The following DYNC1I1 variants were observed in gnomAD, a reference collection of about 807,000 sequenced individuals.
DYNC1I1 encodes cytoplasmic dynein 1 intermediate chain 1.
Under a neutral mutation model 86.6 loss-of-function variants are expected in DYNC1I1, and 43 were observed. That is an observed-to-expected ratio of 0.50 (90% CI 0.39 to 0.64). The LOEUF (loss-of-function observed/expected upper bound fraction) is 0.64, where lower values mean the gene tolerates loss of function less well. DYNC1I1 is among the 30% of genes least tolerant of loss of function. The probability of loss-of-function intolerance (pLI) is 0.00; values close to 1 mark genes in which losing one functional copy is unlikely to be tolerated. For missense variants in DYNC1I1, 604 were observed against 788.8 expected, an observed-to-expected ratio of 0.77 and a Z score of 2.81; for synonymous variants, 262 against 283.7, an observed-to-expected ratio of 0.92 and a Z score of 0.77.
chr7:95,977,493 T>TTC lies in DYNC1I1; in HGVS notation c.491-15_491-14dup. 6.2e-7 allele frequency: 1 copy of TTC among 1,609,024 alleles called. No individual in the cohort carries two copies. Among genetic ancestry groups the TTC allele is most frequent in the Non-Finnish European group, 8.5e-7 (1 of 1,178,016 alleles). ...TTGGAGGAAAGAAAATATTGTATTT[T>TTC]TCTCTTTCTTTTTTCTAGAGGATGA... On this transcript the variant is annotated intron_variant, in intron 6 of 16. Coordinates refer to ENST00000447467, the MANE Select transcript of DYNC1I1 (RefSeq NM_001135556.2).
At chr7:95,881,400 A>T (rs959359851) in intron 6 of DYNC1I1, among the ~76,000 whole-genome samples, 1 of 152,204 alleles carries the variant, frequency 6.6e-6, no homozygotes, top group Non-Finnish European at 1.5e-5. Flanking sequence ...CCTGATCACT[A>T]TTACCATAAA....
intron 10 of DYNC1I1, among the ~76,000 whole-genome samples, chr7:95,997,583 T>TGTGTGTGTG (rs1554429142): frequency 1.5e-4 from 21 of 142,756 alleles, no homozygotes; most frequent in Admixed American, 1.4e-4. Flanking sequence ...AAGGGCATTC[T>TGTGTGTGTG]TGTGTGTGTG....
chr7:95,945,218 G>T (rs984151540), intron 6 of DYNC1I1, among the ~76,000 whole-genome samples: 1 of 151,776 alleles, frequency 6.6e-6, no homozygotes, highest in Admixed American at 6.6e-5. Flanking sequence ...GTAGAGGGGG[G>T]AAAAAAGAAG....
At chr7:96,079,775 GAA>G (rs1302486503) in intron 15 of DYNC1I1, among the ~76,000 whole-genome samples, 3 of 152,086 alleles carry the variant, frequency 2.0e-5, no homozygotes, top group African/African-American at 4.8e-5. Flanking sequence ...AAAAGAGAGA[GAA>G]AGAGAGAGAG....
chr7:96,069,839 T>C (rs1264313433), intron 14 of DYNC1I1, among the ~76,000 whole-genome samples: 1 of 152,202 alleles, frequency 6.6e-6, no homozygotes, highest in Non-Finnish European at 1.5e-5. Context: ...TTCATGTGGC[T>C]TCAGTACTTA....
chr7:96,109,080 G>A (rs989439975), intron 16 of DYNC1I1, among the ~76,000 whole-genome samples: 3 of 151,746 alleles, frequency 2.0e-5, no homozygotes, highest in Non-Finnish European at 4.4e-5. Flanking sequence ...TGCTGTCCCT[G>A]CTTTAATTCC....
At chr7:95,781,302 T>C (rs978086724) in intron 1 of DYNC1I1, among the ~76,000 whole-genome samples, 10 of 152,204 alleles carry the variant, frequency 6.6e-5, no homozygotes, top group Non-Finnish European at 1.5e-4. Context: ...TGAAAAGTAA[T>C]TGGCATATCA....
intron 6 of DYNC1I1, among the ~76,000 whole-genome samples, chr7:95,875,957 C>T (rs78823070): frequency 6.6e-6 from 1 of 151,066 alleles, no homozygotes; most frequent in African/African-American, 2.4e-5. Context: ...TCCACCACAG[C>T]AGATCTCTTG....
At chr7:95,916,109 A>G (rs73228455) in intron 6 of DYNC1I1, among the ~76,000 whole-genome samples, 1 of 152,346 alleles carries the variant, frequency 6.6e-6, no homozygotes, top group Non-Finnish European at 1.5e-5. Context: ...TTAACAAAGA[A>G]CATCTAGAAG....
At position 95,779,712 on chromosome 7, in the gene DYNC1I1, C is replaced by T. The variant is rs547860277; in HGVS notation, c.-10+6939C>T. Among the ~76,000 whole-genome samples, 14 of 152,290 alleles carry T rather than the reference C, an allele frequency of 9.2e-5. No individual in the cohort carries two copies. The South Asian group carries it at 2.9e-3, about 32-fold the overall frequency. ...GAATACTCAACAAGCTTTTGTTGAC[C>T]TGAAATATTAGCCAGAATAAATCCT... On this transcript the variant is annotated intron_variant, in intron 1 of 16. Transcript: ENST00000447467.
intron 10 of DYNC1I1, among the ~76,000 whole-genome samples, chr7:96,003,857 A>T (rs934693807): frequency 9.2e-5 from 14 of 152,058 alleles, no homozygotes; most frequent in African/African-American, 3.4e-4. Context: ...ATTTTTTAAA[A>T]ATATAGCTTT....
chr7:95,944,178 G>A (rs1792326321), intron 6 of DYNC1I1, among the ~76,000 whole-genome samples: 2 of 150,484 alleles, frequency 1.3e-5, no homozygotes, highest in East Asian at 4.1e-4. Flanking sequence ...AAATTTACAA[G>A]AAAAAAACAA....
chr7:95,838,292 G>A (rs1350764402), intron 5 of DYNC1I1, among the ~76,000 whole-genome samples: 1 of 152,100 alleles, frequency 6.6e-6, no homozygotes, highest in African/African-American at 2.4e-5. Context: ...GTGAATTGAA[G>A]AGACTATCAT....
At chr7:95,924,321 T>C (rs2116387696) in intron 6 of DYNC1I1, among the ~76,000 whole-genome samples, 1 of 152,310 alleles carries the variant, frequency 6.6e-6, no homozygotes, top group African/African-American at 2.4e-5. Context: ...ATTTGAAATG[T>C]GGCTAGTCCA....
At chr7:95,808,132 C>T (rs1584241858) in intron 2 of DYNC1I1, among the ~76,000 whole-genome samples, 2 of 152,062 alleles carry the variant, frequency 1.3e-5, no homozygotes, top group Non-Finnish European at 2.9e-5. Context: ...CATGGGATAT[C>T]GACTGGCCAC....
chr7:95,969,424 T>C lies in DYNC1I1; in HGVS notation c.491-8088T>C, dbSNP rs144483019. 3.2e-3 allele frequency among the ~76,000 whole-genome samples: 480 copies of C among 152,226 alleles called. 1 individual carries two copies. The highest frequency in any genetic ancestry group is 0.011 in the African/African-American group (458 of 41,528). Reference sequence around the variant, plus strand: ...AGCTAATCTAGGAAATAGGGAGCCATTAAAGGTTTTTAGGAAGAAAAATGC... The same window carrying C: ...AGCTAATCTAGGAAATAGGGAGCCACTAAAGGTTTTTAGGAAGAAAAATGC... On this transcript the variant is annotated intron_variant, in intron 6 of 16. Transcript: ENST00000447467.
At chr7:95,903,333 T>C (rs1033472255) in intron 6 of DYNC1I1, among the ~76,000 whole-genome samples, 1 of 152,192 alleles carries the variant, frequency 6.6e-6, no homozygotes, top group Admixed American at 6.5e-5. Flanking sequence ...GCTTCCAACT[T>C]ATTTAGGGAA....
In DYNC1I1 at chr7:96,013,556, T is replaced by C. The variant is rs183063104; in HGVS notation, c.970-14619T>C. 1.1e-4 allele frequency among the ~76,000 whole-genome samples: 17 copies of C among 152,292 alleles called. No individual in the cohort carries two copies. In the East Asian group the frequency reaches 3.3e-3, roughly 29 times the overall value. ...TCACTGAAGCCTCAACCTTCTGGGC[T>C]CTAGTGATCCTCTTGCCTCCGTCTC... On this transcript the variant is annotated intron_variant, in intron 10 of 16. Coordinates refer to ENST00000447467, the MANE Select transcript of DYNC1I1 (RefSeq NM_001135556.2).
intron 7 of DYNC1I1, among the ~76,000 whole-genome samples, chr7:95,982,742 G>T (rs533697736): frequency 4.6e-5 from 7 of 152,166 alleles, no homozygotes; most frequent in Admixed American, 1.3e-4. Flanking sequence ...ATTCTTCTTG[G>T]CCTATAGTAT....
Sources: gnomAD v4.1 joint callset for allele counts (sites outside exome capture counted in the v4.1 genomes callset) on GRCh38, gnomAD v4.1.1 for gene constraint, MANE v1.5 for transcripts, NCBI Gene and HGNC (gene_info 2026-07-23, HGNC 2026-07-21) for gene names.